TNIK: variants seen among roughly 807,000 people sequenced by gnomAD.
TNIK encodes the protein TRAF2 and NCK interacting kinase.
In TNIK, 49 loss-of-function variants were observed where a neutral mutation model predicts 191.3. The ratio of observed to expected loss-of-function variants is 0.26; its 90% CI spans 0.20 to 0.32. The LOEUF is 0.32. Ranked by LOEUF, TNIK falls within the 10% of genes least tolerant of loss-of-function variation. TNIK has a pLI of 1.00. For missense variants in TNIK, 1,155 were observed against 1,702.3 expected, an observed-to-expected ratio of 0.68 and a Z score of 5.66; for synonymous variants, 594 against 600.9, an observed-to-expected ratio of 0.99 and a Z score of 0.17.
At position 171,247,543 on chromosome 3, in the gene TNIK, G is replaced by C. The variant is rs184431426; in HGVS notation, c.124-19322C>G. On this transcript the variant is annotated intron_variant, in intron 2 of 32. Transcript: ENST00000436636. ...GACATAACAAGGTTTTCGGGGGCCG[G>C]GTAGACATCCAGACAGATGTGTCCA... 3.9e-5 allele frequency among the ~76,000 whole-genome samples: 6 copies of C among 152,268 alleles called. No homozygotes were observed. In the East Asian group the frequency reaches 1.2e-3, roughly 29 times the overall value.
chr3:171,244,902 G>C (rs1050498045), intron 2 of TNIK, among the ~76,000 whole-genome samples: 1 of 151,534 alleles, frequency 6.6e-6, no homozygotes, highest in South Asian at 2.1e-4. Flanking sequence ...TTCAACAAAA[G>C]GCTTGAAATT....
intron 1 of TNIK, among the ~76,000 whole-genome samples, chr3:171,435,564 A>C (rs1017872891): frequency 2.6e-5 from 4 of 152,198 alleles, no homozygotes; most frequent in African/African-American, 9.6e-5. Flanking sequence ...TAGTCTATTA[A>C]AAATAGTTTT....
chr3:171,094,163 C>G (rs1722428100), intron 22 of TNIK, among the ~76,000 whole-genome samples, 195 bp from the exon 23 acceptor site: 1 of 150,066 alleles, frequency 6.7e-6, no homozygotes, highest in Non-Finnish European at 1.5e-5. Context: ...GAGAAGGAGT[C>G]TCGCCTTGTC....
At chr3:171,347,918 T>TGG (rs1712529543) in intron 2 of TNIK, among the ~76,000 whole-genome samples, 1 of 152,160 alleles carries the variant, frequency 6.6e-6, no homozygotes, top group African/African-American at 2.4e-5. Context: ...AATCACTCAC[T>TGG]AGGCTCTAAG....
chr3:171,345,235 C>T (rs1181533477), intron 2 of TNIK, among the ~76,000 whole-genome samples: 1 of 152,124 alleles, frequency 6.6e-6, no homozygotes, highest in Non-Finnish European at 1.5e-5. Flanking sequence ...GAGCTATTTC[C>T]TTTTTTGTTT....
intron 1 of TNIK, among the ~76,000 whole-genome samples, chr3:171,372,926 T>C (rs2108500350): frequency 6.6e-6 from 1 of 152,252 alleles, no homozygotes; most frequent in East Asian, 1.9e-4. Context: ...GTCATGGTAT[T>C]TGCAAGGAGG....
Position 171,387,682 on chromosome 3 carries a change from A to C in TNIK, c.58-17997T>G, listed in dbSNP as rs1212350233. On this transcript the variant is annotated intron_variant, in intron 1 of 32. Transcript: ENST00000436636. The stretch of plus-strand genomic sequence containing the variant: ...GAATAATGACAACAATTGAAGTGAA[A>C]AATCTGCGTCATTACAGTAATCTTT... Among the ~76,000 whole-genome samples the C allele has an allele frequency of 2.0e-5, 3 of 152,190 alleles. No individual in the cohort carries two copies. In the East Asian group the frequency reaches 5.8e-4, roughly 29 times the overall value.
At chr3:171,082,963 A>G (rs1463779891) in intron 26 of TNIK, among the ~76,000 whole-genome samples, 3 of 152,210 alleles carry the variant, frequency 2.0e-5, no homozygotes, top group Admixed American at 6.5e-5. Flanking sequence ...AGAAGTGTTA[A>G]TAGCTGGAGA....
chr3:171,332,474 C>T (rs1374459529), intron 2 of TNIK, among the ~76,000 whole-genome samples: 3 of 152,214 alleles, frequency 2.0e-5, no homozygotes, highest in Non-Finnish European at 2.9e-5. Flanking sequence ...AACCTCAGCT[C>T]GCAGTGCCAC....
At chr3:171,232,052 T>C (rs1353011642) in intron 2 of TNIK, among the ~76,000 whole-genome samples, 1 of 152,182 alleles carries the variant, frequency 6.6e-6, no homozygotes, top group Non-Finnish European at 1.5e-5. Flanking sequence ...TTTTTAAATT[T>C]GGGGGCAGTG....
Position 171,222,631 on chromosome 3 carries a change from T to C in TNIK, c.180+5534A>G, listed in dbSNP as rs555051647. Among the ~76,000 whole-genome samples, 383 of 152,288 alleles carry C rather than the reference T, an allele frequency of 2.5e-3. 2 individuals are homozygous for C. The highest frequency in any genetic ancestry group is 0.017 in the Middle Eastern group (5 of 294). ...GATGAAAAGATTTTTCTTTTCTTTT[T>C]GTGCAATTTCAGCAAGCATTCACTG... On this transcript the variant is annotated intron_variant, in intron 3 of 32. Coordinates refer to ENST00000436636, the MANE Select transcript of TNIK (RefSeq NM_015028.4).
intron 15 of TNIK, among the ~76,000 whole-genome samples, chr3:171,134,902 AAAG>A (rs1322185753): frequency 2.0e-5 from 3 of 152,226 alleles, no homozygotes; most frequent in African/African-American, 7.2e-5. Context: ...AAAAGTAAGC[AAAG>A]AAGAAGAAAA....
At chr3:171,160,463 G>C (rs934045409) in intron 11 of TNIK, among the ~76,000 whole-genome samples, 7 of 151,512 alleles carry the variant, frequency 4.6e-5, no homozygotes, top group Non-Finnish European at 1.0e-4. Flanking sequence ...GCTTGAGGAG[G>C]GAGGCCACAC....
intron 28 of TNIK, among the ~76,000 whole-genome samples, chr3:171,074,181 A>C (rs1325831226): frequency 6.6e-6 from 1 of 152,198 alleles, no homozygotes; most frequent in East Asian, 1.9e-4. Flanking sequence ...AATACTATGC[A>C]GCCATAAAAA....
chr3:171,110,890 C>G lies in TNIK; in HGVS notation c.2121-13G>C. The G allele has an allele frequency of 1.3e-6, 2 of 1,592,512 alleles. No homozygotes were observed. The highest frequency in any genetic ancestry group is 2.3e-5 in the South Asian group (2 of 86,372). On this transcript the variant is annotated splice_polypyrimidine_tract_variant and intron_variant, in intron 18 of 32. Coordinates refer to ENST00000436636, the MANE Select transcript of TNIK (RefSeq NM_015028.4). ...GAGATCAGGGTTGCTGTGTGAGTGACAGAGCACACTGGTTACACTCTCCAG... is the reference window on the plus strand; with the variant it reads ...GAGATCAGGGTTGCTGTGTGAGTGAGAGAGCACACTGGTTACACTCTCCAG...
intron 23 of TNIK, among the ~76,000 whole-genome samples, chr3:171,091,046 T>C (rs762705928): frequency 2.6e-5 from 4 of 152,230 alleles, no homozygotes; most frequent in Non-Finnish European, 4.4e-5. Context: ...TTTAAACATG[T>C]ACTTTTAGTA....
At chr3:171,120,921 G>A (rs370341259) in intron 18 of TNIK, among the ~76,000 whole-genome samples, 1 of 152,140 alleles carries the variant, frequency 6.6e-6, no homozygotes. Context: ...CGACCCCTGC[G>A]CCCTGGAGTC....
At chr3:171,370,019 T>C (rs1210960716) in intron 1 of TNIK, among the ~76,000 whole-genome samples, 2 of 152,338 alleles carry the variant, frequency 1.3e-5, no homozygotes, top group Admixed American at 6.5e-5. Context: ...TACAGCAAGA[T>C]AAAGTGAAAG....
At chr3:171,234,739 T>C (rs907301060) in intron 2 of TNIK, among the ~76,000 whole-genome samples, 5 of 152,132 alleles carry the variant, frequency 3.3e-5, no homozygotes, top group African/African-American at 1.2e-4. Context: ...TAGCAGACAA[T>C]AGTTAATGTA....
Sources: allele counts gnomAD v4.1 joint callset (sites outside exome capture counted in the v4.1 genomes callset), GRCh38; gene constraint gnomAD v4.1.1; transcripts MANE v1.5; gene names NCBI Gene and HGNC (gene_info 2026-07-23, HGNC 2026-07-21).